The following SGCZ variants were observed in gnomAD, a reference collection of about 807,000 sequenced individuals.
SGCZ encodes the protein sarcoglycan zeta, also known as zeta-sarcoglycan.
Under a neutral mutation model 41.3 loss-of-function variants are expected in SGCZ, and 40 were observed. The observed-to-expected ratio is 0.97, with a 90% CI of 0.75 to 1.26. The LOEUF is 1.26. SGCZ is among the 50% of genes most tolerant of loss of function. SGCZ has a pLI of 0.00. For missense variants in SGCZ, 552 were observed against 369.8 expected (o/e 1.49, Z -4.04); for synonymous variants, 206 against 137.5 (o/e 1.50, Z -3.49).
chr8:14,400,668 T>C (rs1799044986), intron 2 of SGCZ, among the ~76,000 whole-genome samples: 1 of 152,190 alleles, frequency 6.6e-6, no homozygotes, highest in Non-Finnish European at 1.5e-5. Context: ...TTAAATATTT[T>C]ATGATCGTAC....
At chr8:14,909,397 T>G (rs1338242186) in intron 1 of SGCZ, among the ~76,000 whole-genome samples, 4 of 152,192 alleles carry the variant, frequency 2.6e-5, no homozygotes, top group Admixed American at 2.0e-4. Context: ...TTTCGTGTTT[T>G]AACGTTACAA....
chr8:15,138,716 T>C (rs1483315234), intron 1 of SGCZ, among the ~76,000 whole-genome samples: 1 of 152,214 alleles, frequency 6.6e-6, no homozygotes, highest in Non-Finnish European at 1.5e-5. Flanking sequence ...CATGCTGAAC[T>C]GTGAGTCAAT....
At chr8:14,386,424 G>A (rs1036033089) in intron 2 of SGCZ, among the ~76,000 whole-genome samples, 7 of 152,068 alleles carry the variant, frequency 4.6e-5, no homozygotes, top group East Asian at 1.9e-4. Context: ...TCTAGAAAGC[G>A]GATTAGAAGC....
At chr8:14,882,231 T>C (rs1212338635) in intron 1 of SGCZ, among the ~76,000 whole-genome samples, 2 of 152,166 alleles carry the variant, frequency 1.3e-5, no homozygotes, top group Non-Finnish European at 2.9e-5. Flanking sequence ...GATTATCTGC[T>C]CACAACATTT....
chr8:15,140,865 C>T (rs948163706), intron 1 of SGCZ, among the ~76,000 whole-genome samples: 3 of 152,126 alleles, frequency 2.0e-5, no homozygotes, highest in African/African-American at 7.2e-5. Context: ...AAGCATAAAA[C>T]AGAAACAAAT....
chr8:14,914,724 A>T (rs571149682), intron 1 of SGCZ, among the ~76,000 whole-genome samples: 132 of 152,314 alleles, frequency 8.7e-4, no homozygotes, highest in Non-Finnish European at 1.4e-3. Context: ...AAGCAGGCAA[A>T]TCCAGAAGAA....
At chr8:14,717,081 G>A (rs991320900) in intron 1 of SGCZ, among the ~76,000 whole-genome samples, 6 of 151,792 alleles carry the variant, frequency 4.0e-5, no homozygotes, top group Non-Finnish European at 5.9e-5. Flanking sequence ...TGAATTTCAT[G>A]ATTTATAAAG....
intron 5 of SGCZ, among the ~76,000 whole-genome samples, chr8:14,118,401 C>T (rs1802591046): frequency 6.6e-6 from 1 of 151,810 alleles, no homozygotes; most frequent in African/African-American, 2.4e-5. Context: ...CCTTCACCCA[C>T]TTTTTGATGG....
intron 1 of SGCZ, among the ~76,000 whole-genome samples, chr8:15,158,765 G>A (rs1237609046): frequency 2.0e-5 from 3 of 152,290 alleles, no homozygotes. Context: ...TTTTGGAGAT[G>A]GAAGATGAGG....
chr8:14,747,691 A>ATG, intron 1 of SGCZ, among the ~76,000 whole-genome samples: 1 of 131,720 alleles, frequency 7.6e-6, no homozygotes, highest in South Asian at 2.8e-4. Flanking sequence ...TATTATTATT[A>ATG]TGTGTGTGTG....
At chr8:15,021,388 C>A (rs919919532) in intron 1 of SGCZ, among the ~76,000 whole-genome samples, 1 of 152,134 alleles carries the variant, frequency 6.6e-6, no homozygotes, top group Non-Finnish European at 1.5e-5. Context: ...TGAAAGGGCC[C>A]GTTCAGACTT....
chr8:14,302,865 G>T (rs557936438), intron 3 of SGCZ, among the ~76,000 whole-genome samples: 1 of 152,206 alleles, frequency 6.6e-6, no homozygotes, highest in African/African-American at 2.4e-5. Flanking sequence ...GCTCAAAAGA[G>T]GGCTCTCTAT....
rs1806812097 is a variant in SGCZ at position 14,237,592 on chromosome 8, C to T, written c.424G>A (p.Gly142Arg). ...MGQLTGQLTI[G>R]ADAVEAQCKR... is the part of the protein sequence containing the mutation. ...GCAATCTTTACCCCAAAACACTCAC[C>T]TATGGTCAGCTGTCCGGTTAACTGC... Residue 142 changes from glycine (G) to arginine (R), a missense_variant and splice_region_variant, in exon 4 of 8, where the codon GGA becomes AGA. By Grantham distance (125) the Gly-to-Arg change is moderately radical. Coordinates refer to ENST00000382080, the MANE Select transcript of SGCZ (RefSeq NM_139167.4). 6.2e-7 allele frequency: 1 copy of T among 1,613,604 alleles called. No individual in the cohort carries two copies. Among genetic ancestry groups the T allele is most frequent in the Non-Finnish European group, 8.5e-7 (1 of 1,179,656 alleles).
chr8:15,228,997 C>T (rs560653383), intron 1 of SGCZ, among the ~76,000 whole-genome samples: 23 of 152,220 alleles, frequency 1.5e-4, no homozygotes, highest in African/African-American at 5.1e-4. Context: ...AGTTCAAGAC[C>T]AGCCTGGCCA....
At chr8:14,425,504 C>T (rs1009570437) in intron 2 of SGCZ, among the ~76,000 whole-genome samples, 1 of 151,888 alleles carries the variant, frequency 6.6e-6, no homozygotes, top group Non-Finnish European at 1.5e-5. Context: ...ACCTGTAATC[C>T]CAGATACTCG....
chr8:15,013,839 C>A (rs138311372), intron 1 of SGCZ, among the ~76,000 whole-genome samples: 1 of 152,098 alleles, frequency 6.6e-6, no homozygotes, highest in South Asian at 2.1e-4. Flanking sequence ...AAACAGCAAA[C>A]GAGGCATGTT....
At chr8:14,558,605 A>AGAGT (rs777644486) in intron 1 of SGCZ, among the ~76,000 whole-genome samples, 1 of 145,178 alleles carries the variant, frequency 6.9e-6, no homozygotes, top group Admixed American at 6.8e-5. Context: ...AGAGAGAGAG[A>AGAGT]GAGAGAGAAT....
At chr8:14,269,455 A>G (rs896917558) in intron 3 of SGCZ, among the ~76,000 whole-genome samples, 1 of 152,056 alleles carries the variant, frequency 6.6e-6, no homozygotes, top group Non-Finnish European at 1.5e-5. Context: ...TTATTTCAAA[A>G]CGAGGCACTG....
chr8:14,564,985 A>G (rs1045892162), intron 1 of SGCZ, among the ~76,000 whole-genome samples: 1 of 152,214 alleles, frequency 6.6e-6, no homozygotes, highest in Non-Finnish European at 1.5e-5. Flanking sequence ...TTTATGGAAA[A>G]TGCTGTAGTC....
Sources: gnomAD v4.1 joint callset for allele counts (sites outside exome capture counted in the v4.1 genomes callset) on GRCh38, gnomAD v4.1.1 for gene constraint, MANE v1.5 for transcripts, NCBI Gene and HGNC (gene_info 2026-07-23, HGNC 2026-07-21) for gene names.